CNTNAP3B: variants seen among roughly 807,000 people sequenced by gnomAD.
The protein encoded by CNTNAP3B is contactin-associated protein-like 3B.
Under a neutral mutation model 108.9 loss-of-function variants are expected in CNTNAP3B, and 25 were observed. The observed-to-expected ratio is 0.23, with a 90% CI of 0.17 to 0.32. CNTNAP3B has a LOEUF of 0.32. Ranked by LOEUF, CNTNAP3B falls within the 10% of genes least tolerant of loss-of-function variation. The pLI, the probability that CNTNAP3B is intolerant of heterozygous loss-of-function variation, is 1.00. For missense variants in CNTNAP3B, 252 were observed against 1,210.4 expected (o/e 0.21, Z 11.75); for synonymous variants, 103 against 473.4 (o/e 0.22, Z 10.16).
chr9:42,116,030 C>A (rs1200352455), intron 1 of CNTNAP3B, among the ~76,000 whole-genome samples: 1 of 139,246 alleles, frequency 7.2e-6, no homozygotes, highest in Non-Finnish European at 1.5e-5. Context: ...CTTAAATGAC[C>A]AGATGGAGCT....
intron 3 of CNTNAP3B, among the ~76,000 whole-genome samples, chr9:42,076,667 C>T (rs978826071): frequency 8.5e-6 from 1 of 117,074 alleles, no homozygotes; most frequent in Admixed American, 8.7e-5. Context: ...ATTAAGCAAA[C>T]CAAGAAAAAA....
At chr9:41,956,349 G>C (rs1824858628) in intron 12 of CNTNAP3B, among the ~76,000 whole-genome samples, 1 of 152,060 alleles carries the variant, frequency 6.6e-6, no homozygotes, top group Non-Finnish European at 1.5e-5. Flanking sequence ...TCGTGCCACT[G>C]TACTCCAGCC....
chr9:42,077,079 A>T lies in CNTNAP3B; in HGVS notation c.197-17T>A, dbSNP rs1448555035. On this transcript the variant is annotated splice_polypyrimidine_tract_variant and intron_variant, in intron 2 of 23. Coordinates refer to ENST00000377561, the MANE Select transcript of CNTNAP3B (RefSeq NM_001201380.3). The stretch of plus-strand genomic sequence containing the variant: ...CACCAGCTCCTTTTTTGAAACAGAA[A>T]AAGTATAAAAATGGTAGAGGAGGAA... The T allele has an allele frequency of 6.5e-7, 1 of 1,539,232 alleles. No individual in the cohort carries two copies.
chr9:42,089,315 A>G (rs1259466576), intron 2 of CNTNAP3B, among the ~76,000 whole-genome samples: 1 of 112,990 alleles, frequency 8.9e-6, no homozygotes, highest in East Asian at 3.3e-4. Context: ...TACTCTTTAT[A>G]TTTTTAAATT....
At chr9:42,044,546 C>A (rs543928141) in intron 3 of CNTNAP3B, among the ~76,000 whole-genome samples, 1 of 104,042 alleles carries the variant, frequency 9.6e-6, no homozygotes, top group Non-Finnish European at 2.1e-5. Flanking sequence ...ACCAGAACAC[C>A]GGCACTCCCT....
rs1351168474 is a variant in CNTNAP3B at position 41,983,977 on chromosome 9, C to A, written c.1477+2191G>T. 2.0e-5 allele frequency among the ~76,000 whole-genome samples: 2 copies of A among 98,988 alleles called. 1 individual carries two copies. The highest frequency in any genetic ancestry group is 4.1e-5 in the Non-Finnish European group (2 of 48,290). The allele number at this position is 98,988 out of a possible 152,430, so 64.9% of individuals were successfully genotyped here. A position where few individuals can be genotyped will look rare whatever the true frequency, so the allele number is the denominator to read the frequency against. ...AGGCAGGAGAATGGCGTGAACCTGG[C>A]GGTGCAGAGCTTGCAGTGAGCCGAG... On this transcript the variant is annotated intron_variant, in intron 9 of 23. Coordinates refer to ENST00000377561, the MANE Select transcript of CNTNAP3B (RefSeq NM_001201380.3).
intron 13 of CNTNAP3B, among the ~76,000 whole-genome samples, chr9:41,943,717 G>T (rs1451469797): frequency 2.0e-5 from 3 of 150,708 alleles, no homozygotes; most frequent in East Asian, 3.9e-4. Context: ...GAAGTAGAAG[G>T]AAGAGAGTGA....
rs1040488495 is a variant in CNTNAP3B, at chr9:42,001,672, C to T, written c.539-3068G>A. Among the ~76,000 whole-genome samples, 100 of 102,246 alleles carry T rather than the reference C, an allele frequency of 9.8e-4. 27 individuals carry two copies. The highest frequency in any genetic ancestry group is 3.4e-3 in the African/African-American group (91 of 26,886). 67.1% of individuals were successfully genotyped at this position (102,246 alleles called of 152,430 possible). On this transcript the variant is annotated intron_variant, in intron 4 of 23. Coordinates refer to ENST00000377561, the MANE Select transcript of CNTNAP3B (RefSeq NM_001201380.3). Reference sequence around the variant, plus strand: ...CAAAGTTTTCAGAATAAAAGCCTTGCTATCCAAAATGAATAAAGAAAACTT... The same window carrying T: ...CAAAGTTTTCAGAATAAAAGCCTTGTTATCCAAAATGAATAAAGAAAACTT...
chr9:41,927,800 G>C (rs1289453192), intron 15 of CNTNAP3B, among the ~76,000 whole-genome samples: 4 of 152,260 alleles, frequency 2.6e-5, no homozygotes. Flanking sequence ...GAACACAGCT[G>C]ATAACAAATT....
rs1826365388 is a variant in CNTNAP3B, at chr9:42,023,852, T to A, written c.391-10327A>T. Among the ~76,000 whole-genome samples, 3 of 143,958 alleles carry A rather than the reference T, an allele frequency of 2.1e-5. No individual in the cohort carries two copies. The South Asian group carries it at 6.7e-4, about 32-fold the overall frequency. The allele number at this position is 143,958 out of a possible 152,430, so 94.4% of individuals were successfully genotyped here. On this transcript the variant is annotated intron_variant, in intron 3 of 23. Coordinates refer to ENST00000377561, the MANE Select transcript of CNTNAP3B (RefSeq NM_001201380.3). ...ATGTCTAGAGAATATAGTAGGTGAA[T>A]CTCTAAATCCTGAGGAATCCGTTGC... is the stretch of plus-strand genomic sequence containing the variant.
intron 14 of CNTNAP3B, among the ~76,000 whole-genome samples, chr9:41,931,549 C>G (rs1823977818): frequency 6.6e-6 from 1 of 152,048 alleles, no homozygotes; most frequent in Admixed American, 6.6e-5. Context: ...AAAAAATACA[C>G]TTAATGGTAA....
At chr9:42,039,084 G>A (rs1243559946) in intron 3 of CNTNAP3B, among the ~76,000 whole-genome samples, 1 of 152,228 alleles carries the variant, frequency 6.6e-6, no homozygotes. Flanking sequence ...CACATTTAAA[G>A]CAGTGTGTAG....
rs371492132 is a variant in CNTNAP3B, at chr9:42,113,761, C to T, written c.86-9022G>A. 5.0e-4 allele frequency among the ~76,000 whole-genome samples: 69 copies of T among 138,974 alleles called. No homozygotes were observed. In the Middle Eastern group the frequency reaches 0.014, roughly 29 times the overall value. 91.2% of individuals were successfully genotyped at this position (138,974 alleles called of 152,430 possible). ...AAGAGGTGACTATAGTCAATAATTA[C>T]TTAATTGTACATTTTTAAATAACTT... is the stretch of plus-strand genomic sequence containing the variant. On this transcript the variant is annotated intron_variant, in intron 1 of 23. Transcript: ENST00000377561.
At chr9:42,062,080 G>C in intron 3 of CNTNAP3B, among the ~76,000 whole-genome samples, 1 of 49,066 alleles carries the variant, frequency 2.0e-5, no homozygotes, top group African/African-American at 6.7e-5. Flanking sequence ...CTTGCTCTGT[G>C]GCCCAGGCTG....
At chr9:41,959,859 G>A (rs1457157630) in intron 12 of CNTNAP3B, 1 of 152,308 alleles carries the variant, frequency 6.6e-6, no homozygotes, top group Non-Finnish European at 1.5e-5. Flanking sequence ...CAATAAATGA[G>A]AACAGTTTAT....
At position 42,129,365 on chromosome 9, in the gene CNTNAP3B, G is replaced by A; in HGVS notation, c.-271C>T. On this transcript the variant is annotated 5_prime_UTR_variant, in exon 1 of 24. Coordinates refer to ENST00000377561, the MANE Select transcript of CNTNAP3B (RefSeq NM_001201380.3). ...GCGCGGCGCCGCCCCAGGCACGGAG[G>A]CGGCAGGTTCAGGCGCGTCCCGGAC... The A allele has an allele frequency of 2.8e-6, 1 of 353,586 alleles. No individual in the cohort carries two copies. Among genetic ancestry groups the A allele is most frequent in the Non-Finnish European group, 4.4e-6 (1 of 228,586 alleles). 21.9% of individuals were successfully genotyped at this position (353,586 alleles called of 1,614,324 possible). A position where few individuals can be genotyped will look rare whatever the true frequency, so the allele number is the denominator to read the frequency against.
rs1826452988 is a variant in CNTNAP3B at position 42,028,673 on chromosome 9, C to G, written c.391-15148G>C. Among the ~76,000 whole-genome samples the G allele has an allele frequency of 2.7e-5, 4 of 149,732 alleles. No homozygotes were observed. In the South Asian group the frequency reaches 8.3e-4, roughly 31 times the overall value. ...GATAACCATCCCCATTCAAAATTTT[C>G]TCATCAAATTAGAATTTTTAAATAT... On this transcript the variant is annotated intron_variant, in intron 3 of 23. Coordinates refer to ENST00000377561, the MANE Select transcript of CNTNAP3B (RefSeq NM_001201380.3).
intron 1 of CNTNAP3B, among the ~76,000 whole-genome samples, chr9:42,120,810 C>A (rs771203329): frequency 1.2e-5 from 1 of 86,736 alleles, no homozygotes; most frequent in African/African-American, 5.7e-5. Flanking sequence ...CACTACACAA[C>A]GGGGACTGTC....
At chr9:42,014,565 C>T (rs1826186707) in intron 3 of CNTNAP3B, among the ~76,000 whole-genome samples, 1 of 118,446 alleles carries the variant, frequency 8.4e-6, no homozygotes, top group African/African-American at 3.4e-5. Flanking sequence ...CCAAGTCGGA[C>T]AGATCACGAG....
Sources: allele counts gnomAD v4.1 joint callset (sites outside exome capture counted in the v4.1 genomes callset), GRCh38; gene constraint gnomAD v4.1.1; transcripts MANE v1.5; gene names NCBI Gene and HGNC (gene_info 2026-07-23, HGNC 2026-07-21).